TSHR: variants seen among roughly 807,000 people sequenced by gnomAD.
TSHR encodes thyrotropin receptor.
A neutral mutation model predicts 64.1 loss-of-function variants in TSHR; 51 were observed. The observed-to-expected ratio is 0.80, with a 90% CI of 0.64 to 1.01. The LOEUF (loss-of-function observed/expected upper bound fraction) is 1.01, where lower values mean the gene tolerates loss of function less well. TSHR is among the 50% of genes least tolerant of loss of function. TSHR has a pLI of 0.00. For synonymous variants in TSHR, 361 were observed against 361.9 expected (o/e 1.00, Z 0.03); for missense variants, 877 against 942.8 (o/e 0.93, Z 0.91).
rs758351911 is a variant in TSHR at position 81,142,955 on chromosome 14, G to A, written c.897G>A (p.Leu299=). The stretch of plus-strand genomic sequence containing the variant: ...TGCCTTGCAGAATCCTTGAGTCCTT[G>A]ATGTGTAATGAGAGCAGTATGCAGA... ...QKKIRGILES[L]MCNESSMQSL... The change falls in exon 10 of 10, where the codon TTG becomes TTA. Residue 299 remains leucine, a synonymous_variant. Transcript: ENST00000298171. The A allele has an allele frequency of 1.9e-6, 3 of 1,614,060 alleles. No individual in the cohort carries two copies. In the South Asian group the frequency reaches 3.3e-5, roughly 18 times the overall value.
intron 1 of TSHR, among the ~76,000 whole-genome samples, chr14:80,956,438 G>C (rs527366712): frequency 6.6e-6 from 1 of 152,220 alleles, no homozygotes; most frequent in Non-Finnish European, 1.5e-5. Context: ...TTGTGATAGA[G>C]GTATAAAGAA....
At chr14:81,002,782 TTTTTTTTTTTTTTTTTTTTTTTTTTATC>T (rs1308488663) in intron 1 of TSHR, among the ~76,000 whole-genome samples, 912 of 12,242 alleles carry the variant, frequency 0.074, 44 homozygotes, top group East Asian at 0.25. Context: ...CTAATGCCTC[TTTTTTTTTTTTTTTTTTTTTTTTTTATC>T]TTTTTTTTTT....
chr14:81,064,577 A>G (rs138922194), intron 2 of TSHR, among the ~76,000 whole-genome samples: 257 of 152,304 alleles, frequency 1.7e-3, no homozygotes, highest in African/African-American at 6.0e-3. Context: ...ACAAAGATCC[A>G]TGTCCCCATG....
At chr14:81,024,262 T>C (rs1883929445) in intron 1 of TSHR, among the ~76,000 whole-genome samples, 1 of 152,148 alleles carries the variant, frequency 6.6e-6, no homozygotes, top group Non-Finnish European at 1.5e-5. Flanking sequence ...GTTTGTTTGT[T>C]TGTTTTAGAT....
chr14:81,047,363 G>A (rs1885214846), intron 1 of TSHR, among the ~76,000 whole-genome samples: 1 of 152,032 alleles, frequency 6.6e-6, no homozygotes, highest in Non-Finnish European at 1.5e-5. Flanking sequence ...TTTGACTATG[G>A]TATTCCATAT....
chr14:81,125,485 T>C (rs1200753874), intron 8 of TSHR, among the ~76,000 whole-genome samples: 1 of 152,160 alleles, frequency 6.6e-6, no homozygotes, highest in African/African-American at 2.4e-5. Flanking sequence ...GCCCTGACTA[T>C]ATTATTGCTG....
At position 81,115,904 on chromosome 14, in the gene TSHR, C is replaced by T. The variant is rs936833286; in HGVS notation, c.692+7452C>T. ...CATTCTTCAAGAAAAGAATTTTCAA[C>T]CCAGAATTTCATATCCAGCCAAACT... is the stretch of plus-strand genomic sequence containing the variant. On this transcript the variant is annotated intron_variant, in intron 8 of 9. Coordinates refer to ENST00000298171, the MANE Select transcript of TSHR (RefSeq NM_000369.5). Among the ~76,000 whole-genome samples the T allele has an allele frequency of 3.4e-5, 5 of 148,340 alleles. No homozygotes were observed. The Admixed American group carries it at 3.4e-4, about 10-fold the overall frequency.
intron 1 of TSHR, chr14:80,982,966 CT>C (rs1888249021): frequency 3.8e-6 from 2 of 529,510 alleles, no homozygotes. Context: ...ATTTGAACAA[CT>C]TGTTAACTTA....
intron 3 of TSHR, among the ~76,000 whole-genome samples, chr14:81,076,294 C>T (rs1887498521): frequency 6.6e-6 from 1 of 152,158 alleles, no homozygotes; most frequent in Non-Finnish European, 1.5e-5. Context: ...GGCTGCTTCC[C>T]CTTCCCCAGC....
chr14:81,106,190 T>A (rs1990596), intron 7 of TSHR, among the ~76,000 whole-genome samples: 96,893 of 152,054 alleles, frequency 0.64, 31,250 homozygotes, highest in South Asian at 0.73. Flanking sequence ...CTGGGTGTTC[T>A]GCCACTACCA....
At chr14:81,059,955 G>A (rs984619823) in intron 1 of TSHR, among the ~76,000 whole-genome samples, 4 of 152,174 alleles carry the variant, frequency 2.6e-5, no homozygotes, top group East Asian at 3.9e-4. Context: ...CTCATACTTC[G>A]GGAAAGAATA....
intron 3 of TSHR, among the ~76,000 whole-genome samples, chr14:81,069,442 T>A (rs1360809572): frequency 6.6e-6 from 1 of 152,114 alleles, no homozygotes; most frequent in African/African-American, 2.4e-5. Context: ...GCTGAATTTT[T>A]AAAAAAATGT....
At chr14:81,104,148 A>G in intron 7 of TSHR, 1 of 985,392 alleles carries the variant, frequency 1.0e-6, no homozygotes, top group East Asian at 1.1e-4. Flanking sequence ...GAGCTTGAGT[A>G]TTTTCTCACA....
intron 1 of TSHR, among the ~76,000 whole-genome samples, chr14:81,008,814 G>A (rs572122897): frequency 1.9e-4 from 29 of 152,046 alleles, no homozygotes; most frequent in Non-Finnish European, 3.8e-4. Context: ...TAAATAACCC[G>A]AACATTAATT....
chr14:80,995,940 G>A (rs894387369), intron 1 of TSHR, among the ~76,000 whole-genome samples: 3 of 151,852 alleles, frequency 2.0e-5, no homozygotes, highest in African/African-American at 7.3e-5. Context: ...CAAAAGTTAT[G>A]TGCAAATTTT....
intron 1 of TSHR, among the ~76,000 whole-genome samples, chr14:81,004,508 A>G (rs1889493421): frequency 6.6e-6 from 1 of 152,214 alleles, no homozygotes; most frequent in Non-Finnish European, 1.5e-5. Flanking sequence ...CACTGCACAT[A>G]CTATTCCCCT....
At chr14:81,136,605 T>C (rs1444095239) in intron 8 of TSHR, among the ~76,000 whole-genome samples, 1 of 152,210 alleles carries the variant, frequency 6.6e-6, no homozygotes, top group Non-Finnish European at 1.5e-5. Flanking sequence ...CAGTTGGATA[T>C]ACAAGTTGAG....
At chr14:81,027,179 T>C (rs1309551937) in intron 1 of TSHR, among the ~76,000 whole-genome samples, 1 of 152,078 alleles carries the variant, frequency 6.6e-6, no homozygotes, top group African/African-American at 2.4e-5. Context: ...GAAAAAATTG[T>C]AGATCGAGAA....
At chr14:81,075,247 C>A (rs564245872) in intron 3 of TSHR, among the ~76,000 whole-genome samples, 1 of 152,206 alleles carries the variant, frequency 6.6e-6, no homozygotes, top group Non-Finnish European at 1.5e-5. Flanking sequence ...TTGCATCCCT[C>A]CCAGCTCCAG....
Sources: allele counts gnomAD v4.1 joint callset (sites outside exome capture counted in the v4.1 genomes callset), GRCh38; gene constraint gnomAD v4.1.1; transcripts MANE v1.5; gene names NCBI Gene and HGNC (gene_info 2026-07-23, HGNC 2026-07-21).